Variants in ADAMTSL1 observed in about 807,000 individuals in gnomAD.
The protein encoded by ADAMTSL1 is ADAMTS like 1, also known as ADAMTS-like protein 1.
Under a neutral mutation model 201.8 loss-of-function variants are expected in ADAMTSL1, and 126 were observed. The ratio of observed to expected loss-of-function variants is 0.62; its 90% confidence interval spans 0.54 to 0.72. The LOEUF (loss-of-function observed/expected upper bound fraction) is 0.72, where lower values mean the gene tolerates loss of function less well. ADAMTSL1 is among the 30% of genes least tolerant of loss of function. The pLI, the probability that ADAMTSL1 is intolerant of heterozygous loss-of-function variation, is 0.00. For missense variants in ADAMTSL1, 2,679 were observed against 2,277.8 expected, an observed-to-expected ratio of 1.18 and a Z score of -3.59; for synonymous variants, 1,121 against 903.4, an observed-to-expected ratio of 1.24 and a Z score of -4.32.
At chr9:18,536,551 T>C (rs1819788578) in intron 3 of ADAMTSL1, among the ~76,000 whole-genome samples, 1 of 152,270 alleles carries the variant, frequency 6.6e-6, no homozygotes, top group South Asian at 2.1e-4. Context: ...CCCATAATGT[T>C]TGCATAGTTC....
rs1329174040 is a variant in ADAMTSL1 at position 18,466,947 on chromosome 9, G to T, written c.208-37882G>T. On this transcript the variant is annotated intron_variant, in intron 2 of 29. Coordinates refer to the ADAMTSL1 transcript ENST00000680146. The stretch of plus-strand genomic sequence containing the variant: ...TTCATTTTTGATCTATGTTTTCCCT[G>T]GTTTTCAGAAACCATTTTTTCTTTT... Among the ~76,000 whole-genome samples, 4 of 151,922 alleles carry T rather than the reference G, an allele frequency of 2.6e-5. No homozygotes were observed. The East Asian group carries it at 7.7e-4, about 29-fold the overall frequency.
chr9:18,383,332 C>T (rs1051554324), intron 2 of ADAMTSL1, among the ~76,000 whole-genome samples: 5 of 152,022 alleles, frequency 3.3e-5, no homozygotes, highest in East Asian at 1.9e-4. Flanking sequence ...ACTGTCACCC[C>T]GGGTTAAAGA....
intron 2 of ADAMTSL1, among the ~76,000 whole-genome samples, chr9:18,189,341 G>T (rs1016378996): frequency 3.9e-5 from 6 of 152,142 alleles, no homozygotes; most frequent in African/African-American, 1.4e-4. Flanking sequence ...TTAAGTATTA[G>T]ATAAATTTTA....
At chr9:18,641,593 C>G (rs1827443953) in intron 7 of ADAMTSL1, among the ~76,000 whole-genome samples, 2 of 151,940 alleles carry the variant, frequency 1.3e-5, no homozygotes, top group South Asian at 4.1e-4. Flanking sequence ...TTAGAAAACA[C>G]TGGGAATCAA....
At chr9:18,456,175 C>T (rs1458930242) in intron 2 of ADAMTSL1, among the ~76,000 whole-genome samples, 2 of 152,152 alleles carry the variant, frequency 1.3e-5, no homozygotes, top group Non-Finnish European at 2.9e-5. Context: ...TCTTCATTGA[C>T]TTCCTCTGAA....
intron 23 of ADAMTSL1, among the ~76,000 whole-genome samples, chr9:18,879,255 C>T (rs1195326941): frequency 3.3e-5 from 5 of 152,168 alleles, no homozygotes; most frequent in Non-Finnish European, 7.3e-5. Context: ...CATAAATGAA[C>T]CTTTAAAATC....
chr9:18,656,715 C>G (rs575516865), intron 7 of ADAMTSL1, among the ~76,000 whole-genome samples: 32 of 151,348 alleles, frequency 2.1e-4, no homozygotes, highest in African/African-American at 7.3e-4. Flanking sequence ...TCTGATACTT[C>G]TCTAATTGTT....
intron 15 of ADAMTSL1, chr9:18,723,711 A>G (rs1364011811): frequency 2.6e-5 from 4 of 152,742 alleles, no homozygotes; most frequent in Admixed American, 1.3e-4. Context: ...AAACATTTGT[A>G]GAAGGTTGCT....
chr9:18,843,681 G>A (rs1370812531), intron 23 of ADAMTSL1, among the ~76,000 whole-genome samples: 3 of 150,834 alleles, frequency 2.0e-5, no homozygotes, highest in Non-Finnish European at 4.4e-5. Context: ...CCAATCAGAC[G>A]TAGATGTGGT....
intron 16 of ADAMTSL1, among the ~76,000 whole-genome samples, chr9:18,758,118 T>G (rs1819877069): frequency 6.6e-6 from 1 of 152,208 alleles, no homozygotes; most frequent in Non-Finnish European, 1.5e-5. Flanking sequence ...TGGCCTCTCT[T>G]GAGCCTCACA....
intron 2 of ADAMTSL1, among the ~76,000 whole-genome samples, chr9:18,347,507 C>G (rs1835778377): frequency 6.6e-6 from 1 of 152,094 alleles, no homozygotes; most frequent in Admixed American, 6.5e-5. Flanking sequence ...CACATAGGAG[C>G]AAAACCTCTT....
chr9:18,015,733 G>A (rs1820231056), intron 1 of ADAMTSL1, among the ~76,000 whole-genome samples: 1 of 151,936 alleles, frequency 6.6e-6, no homozygotes, highest in South Asian at 2.1e-4. Context: ...ACAAGACCAG[G>A]GCTTCTCATC....
chr9:18,833,241 T>G (rs769463445), intron 23 of ADAMTSL1, among the ~76,000 whole-genome samples: 3 of 152,190 alleles, frequency 2.0e-5, no homozygotes, highest in Non-Finnish European at 4.4e-5. Context: ...AGTAGAGGGT[T>G]GAATGATATT....
chr9:18,099,357 T>TATA (rs58492343), intron 1 of ADAMTSL1, among the ~76,000 whole-genome samples: 601 of 56,932 alleles, frequency 0.011, 10 homozygotes, highest in African/African-American at 0.026. Context: ...ATATATATAT[T>TATA]TTTTTTTTTT....
At chr9:18,160,348 G>A (rs1222507958) in intron 1 of ADAMTSL1, among the ~76,000 whole-genome samples, 1 of 151,960 alleles carries the variant, frequency 6.6e-6, no homozygotes, top group Non-Finnish European at 1.5e-5. Flanking sequence ...CTATTCCTGC[G>A]AGTGAATAAT....
At chr9:17,992,269 C>A (rs1247832802) in intron 1 of ADAMTSL1, among the ~76,000 whole-genome samples, 1 of 152,082 alleles carries the variant, frequency 6.6e-6, no homozygotes, top group East Asian at 1.9e-4. Context: ...GTGTCAGAAT[C>A]CTGTGCAAGT....
chr9:18,399,280 CATATATAT>C (rs561622408), intron 2 of ADAMTSL1, among the ~76,000 whole-genome samples: 1,056 of 30,952 alleles, frequency 0.034, 19 homozygotes, highest in South Asian at 0.062. Context: ...GTCTGCTTTA[CATATATAT>C]ATATATATAT....
chr9:18,307,779 A>C (rs1254256196), intron 2 of ADAMTSL1, among the ~76,000 whole-genome samples: 2 of 152,192 alleles, frequency 1.3e-5, no homozygotes, highest in Admixed American at 6.5e-5. Context: ...AATATTACAC[A>C]GATCAATGAG....
chr9:18,645,186 CT>C (rs1318320798), intron 7 of ADAMTSL1, among the ~76,000 whole-genome samples: 7 of 152,174 alleles, frequency 4.6e-5, no homozygotes, highest in African/African-American at 1.7e-4. Context: ...AAAATGTCTT[CT>C]TTTGAGAAGT....
Sources: gnomAD v4.1 joint callset for allele counts (sites outside exome capture counted in the v4.1 genomes callset) on GRCh38, gnomAD v4.1.1 for gene constraint, MANE v1.5 for transcripts, NCBI Gene and HGNC (gene_info 2026-07-23, HGNC 2026-07-21) for gene names.